SIPA1L1: variants seen among roughly 807,000 people sequenced by gnomAD.
SIPA1L1 encodes signal-induced proliferation-associated 1-like protein 1.
A neutral mutation model predicts 162.7 loss-of-function variants in SIPA1L1; 26 were observed. The observed-to-expected ratio is 0.16, with a 90% CI of 0.12 to 0.22. The LOEUF (loss-of-function observed/expected upper bound fraction) is 0.22. SIPA1L1 is among the 10% of genes least tolerant of loss of function. The pLI, the probability that SIPA1L1 is intolerant of heterozygous loss-of-function variation, is 1.00. For synonymous variants in SIPA1L1, 829 were observed against 837.4 expected (o/e 0.99, Z 0.17); for missense variants, 1,874 against 2,241.0 (o/e 0.84, Z 3.31).
chr14:71,567,153 A>G (rs2030813050), intron 4 of SIPA1L1, among the ~76,000 whole-genome samples: 1 of 152,178 alleles, frequency 6.6e-6, no homozygotes, highest in East Asian at 1.9e-4. Flanking sequence ...CCCCCCACAC[A>G]TTACTATGAG....
Position 71,733,929 on chromosome 14 carries a change from T to C in SIPA1L1, c.5008+117T>C, listed in dbSNP as rs1227254781. 7.1e-6 allele frequency: 8 copies of C among 1,122,144 alleles called. No homozygotes were observed. In the South Asian group the frequency reaches 8.0e-5, roughly 11 times the overall value. 69.5% of individuals were successfully genotyped at this position (1,122,144 alleles called of 1,614,324 possible). A position where few individuals can be genotyped will look rare whatever the true frequency, so the allele number is the denominator to read the frequency against. On this transcript the variant is annotated intron_variant, in intron 21 of 23. Transcript: ENST00000381232. ...CATATGTGCCTCACCAGATGAGCTA[T>C]CAGTTACTGAGCATTCAGTAGGGAC...
At chr14:71,345,472 G>A (rs1055983308) in intron 2 of SIPA1L1, among the ~76,000 whole-genome samples, 4 of 152,106 alleles carry the variant, frequency 2.6e-5, no homozygotes, top group African/African-American at 9.7e-5. Context: ...GAAGCTGGGG[G>A]AGCTTTGCCA....
chr14:71,392,287 G>A (rs77216747), intron 2 of SIPA1L1, among the ~76,000 whole-genome samples: 1 of 152,134 alleles, frequency 6.6e-6, no homozygotes, highest in East Asian at 1.9e-4. Context: ...TGCCTTCTCT[G>A]TTGATCGCTT....
chr14:71,682,598 T>C (rs753217403), intron 12 of SIPA1L1, among the ~76,000 whole-genome samples: 4 of 152,224 alleles, frequency 2.6e-5, no homozygotes, highest in Non-Finnish European at 4.4e-5. Context: ...TGAAGAAAGT[T>C]TCTAGTTATA....
intron 10 of SIPA1L1, among the ~76,000 whole-genome samples, chr14:71,670,448 A>G (rs567496735): frequency 2.7e-4 from 41 of 152,332 alleles, no homozygotes; most frequent in African/African-American, 9.6e-4. Flanking sequence ...GGACCAAGGA[A>G]TAGCTCAGTT....
At chr14:71,511,951 T>G (rs1202343046) in intron 2 of SIPA1L1, among the ~76,000 whole-genome samples, 2 of 152,182 alleles carry the variant, frequency 1.3e-5, no homozygotes, top group Non-Finnish European at 2.9e-5. Context: ...CCCCACGATA[T>G]GCATCTTCCA....
intron 13 of SIPA1L1, among the ~76,000 whole-genome samples, chr14:71,687,761 T>C (rs2080975006): frequency 6.6e-6 from 1 of 152,200 alleles, no homozygotes; most frequent in Non-Finnish European, 1.5e-5. Flanking sequence ...CCTTTCTTCT[T>C]TACTCCACCC....
chr14:71,691,798 G>A (rs911938233), intron 13 of SIPA1L1, among the ~76,000 whole-genome samples: 4 of 152,002 alleles, frequency 2.6e-5, no homozygotes, highest in African/African-American at 7.3e-5. Flanking sequence ...CTGACAAGTC[G>A]CCTTTAATTT....
Position 71,590,021 on chromosome 14 carries a change from T to TAA in SIPA1L1, c.1498+674_1498+675dup, listed in dbSNP as rs200463823. 6.3e-4 allele frequency among the ~76,000 whole-genome samples: 54 copies of TAA among 85,104 alleles called. 1 individual carries two copies. The highest frequency in any genetic ancestry group is 9.4e-4 in the Non-Finnish European group (41 of 43,422). 55.8% of individuals were successfully genotyped at this position (85,104 alleles called of 152,430 possible). On this transcript the variant is annotated intron_variant, in intron 5 of 23. Transcript: ENST00000381232. The stretch of plus-strand genomic sequence containing the variant: ...CTAATCTTTTCTTTGAGTGGGAGAG[T>TAA]AAAAAAAAAAAAAAAAAAAAAAAAT...
At chr14:71,413,899 C>A (rs889049815) in intron 2 of SIPA1L1, 1 of 151,860 alleles carries the variant, frequency 6.6e-6, no homozygotes, top group Non-Finnish European at 1.5e-5. Flanking sequence ...GTGTGTTTTT[C>A]AAAATTTGGA....
At chr14:71,699,180 C>T in intron 14 of SIPA1L1, 53 bp downstream of exon 14, 2 of 1,535,488 alleles carry the variant, frequency 1.3e-6, no homozygotes, top group African/African-American at 1.4e-5. Context: ...TCATTTCTTT[C>T]ATCTGTACTC....
chr14:71,689,202 C>A (rs554374909), intron 13 of SIPA1L1, among the ~76,000 whole-genome samples: 2 of 152,140 alleles, frequency 1.3e-5, no homozygotes, highest in South Asian at 2.1e-4. Flanking sequence ...AATAAAAATT[C>A]TTTAGTTGGA....
chr14:71,676,772 C>T (rs1055586907), intron 12 of SIPA1L1, among the ~76,000 whole-genome samples: 1 of 151,854 alleles, frequency 6.6e-6, no homozygotes, highest in African/African-American at 2.4e-5. Context: ...TGATGGTTTC[C>T]AGCATCTTCT....
intron 14 of SIPA1L1, among the ~76,000 whole-genome samples, chr14:71,700,025 C>T (rs1178713853): frequency 1.3e-5 from 2 of 152,218 alleles, no homozygotes; most frequent in Non-Finnish European, 2.9e-5. Flanking sequence ...TATCTTAGCT[C>T]TTCAGGACTG....
chr14:71,571,615 C>T (rs1296800371), intron 4 of SIPA1L1, among the ~76,000 whole-genome samples: 1 of 151,844 alleles, frequency 6.6e-6, no homozygotes, highest in African/African-American at 2.4e-5. Context: ...AACAGAATAC[C>T]TGAAACTGGA....
At chr14:71,658,887 A>G (rs2043283261) in intron 9 of SIPA1L1, among the ~76,000 whole-genome samples, 2 of 152,260 alleles carry the variant, frequency 1.3e-5, no homozygotes, top group Admixed American at 6.5e-5. Context: ...CAACAGAATG[A>G]TATTCTTCCT....
chr14:71,341,128 C>T (rs2035607820), intron 2 of SIPA1L1, among the ~76,000 whole-genome samples: 1 of 152,144 alleles, frequency 6.6e-6, no homozygotes, highest in South Asian at 2.1e-4. Context: ...CTGACACCTG[C>T]CGAGGGAAGT....
In SIPA1L1 at chr14:71,713,320, A is replaced by G. The variant is rs138517480; in HGVS notation, c.4208+3656A>G. On this transcript the variant is annotated intron_variant, in intron 17 of 23. Transcript: ENST00000381232. ...ATTTTGAAGGTTATTGTACAGATGC[A>G]TCAGTATTTGCACAGAGCTGCAGTG... Among the ~76,000 whole-genome samples, 80 of 152,354 alleles carry G rather than the reference A, an allele frequency of 5.3e-4. No individual in the cohort carries two copies. In the East Asian group the frequency reaches 8.3e-3, roughly 16 times the overall value.
At chr14:71,736,772 G>T (rs1363822307) in intron 22 of SIPA1L1, among the ~76,000 whole-genome samples, 2 of 152,196 alleles carry the variant, frequency 1.3e-5, no homozygotes, top group African/African-American at 2.4e-5. Context: ...CTGTTTTCCT[G>T]TGAAAGGATT....
Sources: gnomAD v4.1 joint callset for allele counts (sites outside exome capture counted in the v4.1 genomes callset) on GRCh38, gnomAD v4.1.1 for gene constraint, MANE v1.5 for transcripts, NCBI Gene and HGNC (gene_info 2026-07-23, HGNC 2026-07-21) for gene names.